EXOC1L: variants seen among roughly 807,000 people sequenced by gnomAD.
EXOC1L encodes exocyst complex component 1-like.
EXOC1L carries 10 observed loss-of-function variants against 4.9 expected under a neutral mutation model. The ratio of observed to expected loss-of-function variants is 2.02; its 90% confidence interval spans 1.25 to 3.43. The LOEUF is 3.43. Among genes scored for constraint, EXOC1L ranks in the 30% most tolerant of loss-of-function variants. The probability of loss-of-function intolerance (pLI) is 0.00; values close to 1 mark genes in which losing one functional copy is unlikely to be tolerated. For synonymous variants in EXOC1L, 41 were observed against 20.8 expected (o/e 1.97, Z -2.63); for missense variants, 114 against 59.4 (o/e 1.92, Z -3.02).
intron 1 of EXOC1L, among the ~76,000 whole-genome samples, chr4:55,822,169 T>C (rs1229636703): frequency 6.6e-6 from 1 of 152,224 alleles, no homozygotes; most frequent in Non-Finnish European, 1.5e-5. Flanking sequence ...ATTTTTAAAA[T>C]TAACAAAAAT....
chr4:55,829,714 C>T (rs1453724142), intron 1 of EXOC1L, among the ~76,000 whole-genome samples: 1 of 152,168 alleles, frequency 6.6e-6, no homozygotes, highest in East Asian at 1.9e-4. Context: ...AACTGGCTGT[C>T]TTGATTTTAG....
chr4:55,826,008 C>T (rs974049340), intron 1 of EXOC1L, among the ~76,000 whole-genome samples: 5 of 150,886 alleles, frequency 3.3e-5, no homozygotes, highest in African/African-American at 1.2e-4. Context: ...TCGCTTGAAC[C>T]CAGGAGGCGG....
chr4:55,833,839 T>G (rs1002817304), intron 2 of EXOC1L, among the ~76,000 whole-genome samples: 2 of 151,918 alleles, frequency 1.3e-5, no homozygotes, highest in African/African-American at 4.8e-5. Flanking sequence ...TTATTATCTT[T>G]CATAGTGAAC....
At chr4:55,833,861 T>C (rs974165318) in intron 2 of EXOC1L, among the ~76,000 whole-genome samples, 1 of 151,868 alleles carries the variant, frequency 6.6e-6, no homozygotes, top group South Asian at 2.1e-4. Flanking sequence ...AGATACAAAA[T>C]ATAGGTTGAG....
At chr4:55,831,606 T>A (rs557015486) in intron 2 of EXOC1L, 142 bp downstream of exon 2, 1 of 442,740 alleles carries the variant, frequency 2.3e-6, no homozygotes, top group East Asian at 3.5e-5. Context: ...TTTAATCTAC[T>A]GGGATGATGT....
chr4:55,830,737 A>G (rs1161344321), intron 1 of EXOC1L, among the ~76,000 whole-genome samples: 2 of 152,192 alleles, frequency 1.3e-5, no homozygotes, highest in African/African-American at 4.8e-5. Context: ...AGAATTTGAG[A>G]GACACACTTG....
intron 1 of EXOC1L, among the ~76,000 whole-genome samples, chr4:55,822,093 C>T (rs1719759364): frequency 6.6e-6 from 1 of 152,144 alleles, no homozygotes; most frequent in Admixed American, 6.5e-5. Flanking sequence ...CCTCTTTATT[C>T]CCTACAATCT....
chr4:55,823,092 G>GA (rs1439090534), intron 1 of EXOC1L, among the ~76,000 whole-genome samples: 2 of 151,492 alleles, frequency 1.3e-5, no homozygotes, highest in African/African-American at 2.4e-5. Flanking sequence ...CATATTTCTA[G>GA]AAAAACATCT....
At chr4:55,835,301 G>A (rs1720132220) in intron 2 of EXOC1L, among the ~76,000 whole-genome samples, 1 of 151,590 alleles carries the variant, frequency 6.6e-6, no homozygotes. Context: ...ATTGCAAATT[G>A]TGCTACTATA....
chr4:55,831,788 CA>C (rs1720039172), intron 2 of EXOC1L, among the ~76,000 whole-genome samples: 1 of 152,032 alleles, frequency 6.6e-6, no homozygotes, highest in Non-Finnish European at 1.5e-5. Context: ...ACTTTCTCCC[CA>C]CCACAATTTC....
At chr4:55,830,547 C>A (rs1720003844) in intron 1 of EXOC1L, among the ~76,000 whole-genome samples, 1 of 152,106 alleles carries the variant, frequency 6.6e-6, no homozygotes, top group African/African-American at 2.4e-5. Flanking sequence ...TGATAATTTT[C>A]AACTTAAGAG....
At chr4:55,831,305 T>A (rs968873977) in intron 1 of EXOC1L, 29 bp from the exon 2 acceptor site, 3 of 540,758 alleles carry the variant, frequency 5.5e-6, no homozygotes, top group Admixed American at 3.7e-5. Flanking sequence ...TAAGAATTTA[T>A]GTAAACTAAG....
At chr4:55,826,712 T>C (rs1161009584) in intron 1 of EXOC1L, among the ~76,000 whole-genome samples, 1 of 152,238 alleles carries the variant, frequency 6.6e-6, no homozygotes, top group Non-Finnish European at 1.5e-5. Flanking sequence ...TGCATTAATG[T>C]GGATACGGCC....
chr4:55,831,304 A>C, intron 1 of EXOC1L, 30 bp from the exon 2 acceptor site: 1 of 540,046 alleles, frequency 1.9e-6, no homozygotes. Flanking sequence ...CTAAGAATTT[A>C]TGTAAACTAA....
At chr4:55,826,746 G>C (rs1324737627) in intron 1 of EXOC1L, among the ~76,000 whole-genome samples, 3 of 152,236 alleles carry the variant, frequency 2.0e-5, no homozygotes, top group Admixed American at 1.3e-4. Flanking sequence ...TGGCAGCAAA[G>C]CTGAAGTGTG....
chr4:55,825,335 C>T (rs1223552076), intron 1 of EXOC1L, among the ~76,000 whole-genome samples: 2 of 152,134 alleles, frequency 1.3e-5, no homozygotes, highest in Non-Finnish European at 2.9e-5. Context: ...AGAGTAGATG[C>T]TTTTCTTAAC....
At chr4:55,836,745 A>G (rs563508892) in intron 2 of EXOC1L, among the ~76,000 whole-genome samples, 2 of 152,030 alleles carry the variant, frequency 1.3e-5, no homozygotes, top group African/African-American at 2.4e-5. Flanking sequence ...TGTTTTCCAG[A>G]AGTCTGTGAG....
chr4:55,836,706 T>C (rs1284469996), intron 2 of EXOC1L, among the ~76,000 whole-genome samples: 1 of 151,940 alleles, frequency 6.6e-6, no homozygotes, highest in East Asian at 1.9e-4. Flanking sequence ...GGAACCAACC[T>C]CGTACTAAAA....
intron 2 of EXOC1L, among the ~76,000 whole-genome samples, chr4:55,833,020 C>T (rs1392756092): frequency 1.3e-5 from 2 of 151,944 alleles, no homozygotes; most frequent in East Asian, 1.9e-4. Context: ...AACTTAAAAA[C>T]CTTTTTAAAA....
Sources: allele counts gnomAD v4.1 joint callset (sites outside exome capture counted in the v4.1 genomes callset), GRCh38; gene constraint gnomAD v4.1.1; transcripts MANE v1.5; gene names NCBI Gene and HGNC (gene_info 2026-07-23, HGNC 2026-07-21).